DIS3L2: variants seen among roughly 807,000 people sequenced by gnomAD.
DIS3L2 encodes the protein DIS3 like 3'-5' exoribonuclease 2, also known as DIS3-like exonuclease 2.
A neutral mutation model predicts 97.5 loss-of-function variants in DIS3L2; 34 were observed. That is an observed-to-expected ratio of 0.35 (90% CI 0.27 to 0.46). The LOEUF is 0.46. Ranked by LOEUF, DIS3L2 falls within the 20% of genes least tolerant of loss-of-function variation. DIS3L2 has a pLI of 1.00. For synonymous variants in DIS3L2, 435 were observed against 445.2 expected (o/e 0.98, Z 0.29); for missense variants, 1,038 against 1,146.0 (o/e 0.91, Z 1.36).
intron 14 of DIS3L2, among the ~76,000 whole-genome samples, chr2:232,310,678 G>T (rs1184683543): frequency 6.6e-6 from 1 of 152,250 alleles, no homozygotes. Context: ...TAGGTGCCCT[G>T]TGCAAGGTCA....
downstream of DIS3L2, chr2:232,337,215 C>T (rs914532387): frequency 3.0e-5 from 27 of 901,198 alleles, no homozygotes; most frequent in Non-Finnish European, 3.3e-5. Context: ...CCCCATCACC[C>T]TGACGAATGT....
At chr2:232,127,939 T>G (rs1559656961) in intron 6 of DIS3L2, among the ~76,000 whole-genome samples, 1 of 152,152 alleles carries the variant, frequency 6.6e-6, no homozygotes, top group Non-Finnish European at 1.5e-5. Context: ...TCTTTCCTTC[T>G]TAGCATTTAT....
intron 1 of DIS3L2, among the ~76,000 whole-genome samples, chr2:232,003,639 G>A (rs1182038427): frequency 1.3e-5 from 2 of 152,132 alleles, no homozygotes; most frequent in Admixed American, 6.5e-5. Flanking sequence ...AGTGCTGCTG[G>A]TGATGGGTTT....
chr2:232,106,526 T>C (rs142664967), intron 6 of DIS3L2, among the ~76,000 whole-genome samples: 2 of 152,266 alleles, frequency 1.3e-5, no homozygotes, highest in Middle Eastern at 3.4e-3. Flanking sequence ...TACATAATGG[T>C]AAAGGGTTCA....
intron 9 of DIS3L2, among the ~76,000 whole-genome samples, chr2:232,176,786 TTA>T (rs1337318737): frequency 9.1e-4 from 136 of 149,418 alleles, no homozygotes; most frequent in African/African-American, 2.9e-3. Context: ...AATTAATTAA[TTA>T]ATTAATTTAT....
intron 14 of DIS3L2, among the ~76,000 whole-genome samples, chr2:232,315,201 C>T (rs1346170777): frequency 6.6e-6 from 1 of 152,196 alleles, no homozygotes; most frequent in Non-Finnish European, 1.5e-5. Flanking sequence ...GGGTGAGCGC[C>T]TCCAGCCCTC....
intron 12 of DIS3L2, among the ~76,000 whole-genome samples, chr2:232,251,816 CCCAACGAAG>C (rs540800736): frequency 6.6e-6 from 1 of 152,176 alleles, no homozygotes; most frequent in Non-Finnish European, 1.5e-5. Context: ...AAATTCTGTA[CCCAACGAAG>C]CTATCAATAA....
intron 5 of DIS3L2, among the ~76,000 whole-genome samples, chr2:232,049,909 T>C (rs1484966853): frequency 6.6e-6 from 1 of 152,232 alleles, no homozygotes; most frequent in Non-Finnish European, 1.5e-5. Context: ...TCTGTAAGCG[T>C]ACACATCCTT....
intron 9 of DIS3L2, among the ~76,000 whole-genome samples, chr2:232,176,784 A>T (rs150337584): frequency 0.032 from 4,736 of 148,620 alleles, 109 homozygotes; most frequent in African/African-American, 0.062. Flanking sequence ...TTAATTAATT[A>T]ATTAATTAAT....
chr2:232,044,223 T>A lies in DIS3L2; in HGVS notation c.366+14143T>A, dbSNP rs528271772. Among the ~76,000 whole-genome samples, 29 of 152,256 alleles carry A rather than the reference T, an allele frequency of 1.9e-4. 1 individual carries two copies. In the South Asian group the frequency reaches 5.6e-3, roughly 29 times the overall value. On this transcript the variant is annotated intron_variant, in intron 5 of 20. Transcript: ENST00000325385. ...TTTTGAGGAAGGTGACATAGTCACATTGTATATTAAATATCATTGTGGTGG... is the reference window on the plus strand; with the variant it reads ...TTTTGAGGAAGGTGACATAGTCACAATGTATATTAAATATCATTGTGGTGG...
chr2:232,335,779 G>A lies in DIS3L2; in HGVS notation c.2401G>A (p.Ala801Thr), dbSNP rs1359847466. ...VQKRIYCNALALRSHHFQKVG... is the reference protein window; with the variant it reads ...VQKRIYCNALTLRSHHFQKVG... ...CTTGGTGTTTGCACTCCAGGCACTGGCCCTGCGGTCCCACCACTTCCAGAA... is the reference window on the plus strand; with the variant it reads ...CTTGGTGTTTGCACTCCAGGCACTGACCCTGCGGTCCCACCACTTCCAGAA... Residue 801 changes from alanine to threonine, a missense_variant, in exon 20 of 21, where the codon GCC (alanine) becomes ACC (threonine). Physicochemically the swap from Ala to Thr is moderately conservative, Grantham distance 58. Coordinates refer to ENST00000325385, the MANE Select transcript of DIS3L2 (RefSeq NM_152383.5). The A allele has an allele frequency of 7.7e-6, 12 of 1,550,392 alleles. No individual in the cohort carries two copies. The highest frequency in any genetic ancestry group is 2.4e-5 in the South Asian group (2 of 84,048).
chr2:232,212,598 A>G (rs1031582445), intron 10 of DIS3L2, among the ~76,000 whole-genome samples: 6 of 152,230 alleles, frequency 3.9e-5, no homozygotes, highest in African/African-American at 1.4e-4. Flanking sequence ...ACTCGGGACA[A>G]ATTTTCAGAC....
At chr2:232,305,068 T>TTTTTA (rs908792010) in intron 14 of DIS3L2, among the ~76,000 whole-genome samples, 2 of 152,036 alleles carry the variant, frequency 1.3e-5, no homozygotes, top group African/African-American at 2.4e-5. Flanking sequence ...GAATATTTGG[T>TTTTTA]TTTTATTTTA....
chr2:232,027,572 T>G (rs896141538), intron 4 of DIS3L2, among the ~76,000 whole-genome samples: 14 of 152,250 alleles, frequency 9.2e-5, no homozygotes, highest in Admixed American at 9.2e-4. Flanking sequence ...TTGCTCTTAC[T>G]CACTCTAAAA....
At chr2:232,328,467 G>C (rs1401609889) in intron 14 of DIS3L2, 1 of 152,176 alleles carries the variant, frequency 6.6e-6, no homozygotes, top group Admixed American at 6.5e-5. Flanking sequence ...CCCACCCTGG[G>C]TGGAGGAGGG....
chr2:231,967,392 T>TC (rs1475674647), intron 1 of DIS3L2, among the ~76,000 whole-genome samples: 2 of 152,210 alleles, frequency 1.3e-5, no homozygotes, highest in African/African-American at 2.4e-5. Context: ...GCTGAGGGAT[T>TC]CAGAGAGAAG....
chr2:232,154,283 G>T (rs1435418744), intron 8 of DIS3L2, among the ~76,000 whole-genome samples: 19 of 9,312 alleles, frequency 2.0e-3, no homozygotes, highest in African/African-American at 8.4e-3. Flanking sequence ...GGCGCTCTGC[G>T]TTTTAGAGTT....
At chr2:232,343,361 A>G (rs1352708753) in exon 14 of DIS3L2, 2 of 1,557,100 alleles carry the variant, frequency 1.3e-6, no homozygotes, top group African/African-American at 2.7e-5. Context: ...GCAGACAAGG[A>G]TGGGGCTGCC....
At chr2:232,108,765 A>G (rs190625956) in intron 6 of DIS3L2, among the ~76,000 whole-genome samples, 285 of 152,284 alleles carry the variant, frequency 1.9e-3, no homozygotes, top group African/African-American at 6.6e-3. Flanking sequence ...CACCAACAAC[A>G]GGCAAGCTGA....
Sources: allele counts gnomAD v4.1 joint callset (sites outside exome capture counted in the v4.1 genomes callset), GRCh38; gene constraint gnomAD v4.1.1; transcripts MANE v1.5; gene names NCBI Gene and HGNC (gene_info 2026-07-23, HGNC 2026-07-21).